ZNF878: variants seen among roughly 807,000 people sequenced by gnomAD.
The protein encoded by ZNF878 is zinc finger protein 878.
Under a neutral mutation model 11.1 loss-of-function variants are expected in ZNF878, and 10 were observed. That is an observed-to-expected ratio of 0.90 (90% CI 0.56 to 1.53). The LOEUF is 1.53. ZNF878 is among the 40% of genes most tolerant of loss of function. The probability of loss-of-function intolerance (pLI) is 0.00; values close to 1 mark genes in which losing one functional copy is unlikely to be tolerated. For synonymous variants in ZNF878, 165 were observed against 209.7 expected, an observed-to-expected ratio of 0.79 and a Z score of 1.84; for missense variants, 548 against 626.1, an observed-to-expected ratio of 0.88 and a Z score of 1.33.
In ZNF878 at chr19:12,044,527, A is replaced by T. The variant is rs753992039; in HGVS notation, c.874T>A (p.Phe292Ile). ...ACTCGCAGGTACTTGACAGATCTGAAGGCTTTCCTACATTGTGTACACTCA... is the reference window on the plus strand; with the variant it reads ...ACTCGCAGGTACTTGACAGATCTGATGGCTTTCCTACATTGTGTACACTCA... ...PYECTQCRKA[F>I]RSVKYLRVHE... Residue 292 changes from phenylalanine to isoleucine, a missense_variant, in exon 4 of 4, where the codon TTC becomes ATC. Transcript: ENST00000547628. 2 of 1,613,666 alleles carry T rather than the reference A, an allele frequency of 1.2e-6. No homozygotes were observed. Among genetic ancestry groups the T allele is most frequent in the Non-Finnish European group, 1.7e-6 (2 of 1,179,908 alleles).
chr19:12,048,283 C>T (rs990514381), intron 1 of ZNF878, among the ~76,000 whole-genome samples: 3 of 151,622 alleles, frequency 2.0e-5, no homozygotes, highest in Non-Finnish European at 4.4e-5. Context: ...CTTTGGGAGG[C>T]CGAGGCGGGT....
intron 3 of ZNF878, chr19:12,046,159 C>A: frequency 2.0e-6 from 1 of 492,704 alleles, no homozygotes; most frequent in Non-Finnish European, 3.5e-6. Flanking sequence ...CCTCAAACTC[C>A]CAGGTTCAAG....
rs1975487483 is a variant in ZNF878 at position 12,046,356 on chromosome 19, A to G, written c.191+12T>C. ...TACAGAGACATTGTTTTCTCTTTTA[A>G]GTGCCAGTTACCTTAGGTTTCTCCT... On this transcript the variant is annotated intron_variant, in intron 3 of 3. Transcript: ENST00000547628. 1.3e-6 allele frequency: 2 copies of G among 1,547,592 alleles called. No homozygotes were observed. Among genetic ancestry groups the G allele is most frequent in the Non-Finnish European group, 1.8e-6 (2 of 1,141,648 alleles).
Position 12,045,060 on chromosome 19 carries a change from A to G in ZNF878, c.341T>C (p.Leu114Pro). 1 of 1,613,980 alleles carries G rather than the reference A, an allele frequency of 6.2e-7. No individual in the cohort carries two copies. Among genetic ancestry groups the G allele is most frequent in the Non-Finnish European group, 8.5e-7 (1 of 1,179,922 alleles). ...TCTGAGGTGCCTATTAAGGGATGAA[A>G]GACCTATGCCGATTTCTCCACACAC... The part of the protein sequence containing the change: ...SSVCGEIGIG[L>P]SSLNRHLRAF... Residue 114 changes from leucine to proline, a missense_variant, in exon 4 of 4, where the codon CTT (leucine) becomes CCT (proline). Leu to Pro is a moderately conservative substitution (Grantham distance 98, BLOSUM62 -3). Coordinates refer to ENST00000547628, the MANE Select transcript of ZNF878 (RefSeq NM_001080404.3).
intron 1 of ZNF878, among the ~76,000 whole-genome samples, chr19:12,048,676 A>C (rs1975519274): frequency 6.6e-6 from 1 of 151,134 alleles, no homozygotes; most frequent in South Asian, 2.1e-4. Context: ...TCTACTAAAA[A>C]TACGAATATC....
At position 12,044,052 on chromosome 19, in the gene ZNF878, G is replaced by T; in HGVS notation, c.1349C>A (p.Pro450His). The T allele has an allele frequency of 1.9e-6, 3 of 1,614,004 alleles. No homozygotes were observed. The highest frequency in any genetic ancestry group is 1.7e-5 in the Admixed American group (1 of 60,008). Residue 450 changes from proline to histidine, a missense_variant, in exon 4 of 4, where the codon CCC (proline) becomes CAC (histidine). Around this residue, in one of 3 missense-constraint regions of ZNF878, gnomAD observed 335 missense variants for 358.2 expected, o/e 0.94. Coordinates refer to ENST00000547628, the MANE Select transcript of ZNF878 (RefSeq NM_001080404.3). ...TTTTCCACATTGCTTACACTCATAG[G>T]GTTTCTCTCCTGTGTGAGTCCTTTC... ...MHERTHTGEK[P>H]YECKQCGKAF...
chr19:12,045,443 C>G (rs527466107), intron 3 of ZNF878, among the ~76,000 whole-genome samples: 4 of 152,098 alleles, frequency 2.6e-5, no homozygotes, highest in South Asian at 2.1e-4. Context: ...GTCAGGAGAT[C>G]GAGACCATCC....
chr19:12,043,649 C>G (rs1975416562), downstream of ZNF878, among the ~76,000 whole-genome samples: 1 of 152,152 alleles, frequency 6.6e-6, no homozygotes, highest in Non-Finnish European at 1.5e-5. Context: ...CCATATTGCC[C>G]AAGCTGGTCT....
rs1975461269 is a variant in ZNF878 at position 12,045,217 on chromosome 19, C to T, written c.192-8G>A. On this transcript the variant is annotated splice_polypyrimidine_tract_variant and splice_region_variant and intron_variant, in intron 3 of 3. Transcript: ENST00000547628. ...CTCTCCCCTATAAGTCTTCTGTGAA[C>T]AATGAAAGCACATTATAATGGGTTT... 1.9e-6 allele frequency: 3 copies of T among 1,577,010 alleles called. No individual in the cohort carries two copies. The highest frequency in any genetic ancestry group is 2.7e-5 in the African/African-American group (2 of 73,420).
chr19:12,043,802 T>C, downstream of ZNF878: 2 of 1,589,758 alleles, frequency 1.3e-6, no homozygotes, highest in Non-Finnish European at 8.5e-7. Context: ...ATCCATAGAG[T>C]TTCTAGCCAG....
intron 1 of ZNF878, among the ~76,000 whole-genome samples, chr19:12,049,557 G>A (rs1432867252): frequency 6.7e-6 from 1 of 150,318 alleles, no homozygotes; most frequent in African/African-American, 2.4e-5. Context: ...GGAGCATGAG[G>A]TCAGGAGTTC....
intron 1 of ZNF878, among the ~76,000 whole-genome samples, chr19:12,050,124 C>T (rs1023403360): frequency 7.9e-5 from 12 of 152,078 alleles, no homozygotes; most frequent in African/African-American, 2.2e-4. Context: ...ACTTGGGAGG[C>T]TGAAGCAGGA....
At chr19:12,048,525 GAAAA>G (rs894167458) in intron 1 of ZNF878, among the ~76,000 whole-genome samples, 2 of 117,908 alleles carry the variant, frequency 1.7e-5, no homozygotes, top group African/African-American at 6.4e-5. Context: ...CTCAAAAAAA[GAAAA>G]AAAAAAAAGA....
At position 12,045,112 on chromosome 19, in the gene ZNF878, G is replaced by C. The variant is rs369143883; in HGVS notation, c.289C>G (p.Pro97Ala). The change falls in exon 4 of 4, where the codon CCT (proline) becomes GCT (alanine). Residue 97 changes from proline to alanine, a missense_variant. Coordinates refer to ENST00000547628, the MANE Select transcript of ZNF878 (RefSeq NM_001080404.3). ...VPDDTLKKKT[P>A]GVQSYESSVC... ...CTGCTTTCATATGATTGTACTCCAG[G>C]AGTTTTCTTCTTCAGTGTGTCATCT... The C allele has an allele frequency of 3.1e-6, 5 of 1,613,144 alleles. No individual in the cohort carries two copies. In the African/African-American group the frequency reaches 6.7e-5, roughly 22 times the overall value.
At chr19:12,046,241 G>A (rs1231053534) in intron 3 of ZNF878, 127 bp downstream of exon 3, 3 of 707,146 alleles carry the variant, frequency 4.2e-6, no homozygotes, top group Non-Finnish European at 6.9e-6. Flanking sequence ...TATGTTTCTA[G>A]GGAAGCTTTT....
Position 12,044,848 on chromosome 19 carries a change from A to G in ZNF878, c.553T>C (p.Ser185Pro). 1 of 1,613,936 alleles carries G rather than the reference A, an allele frequency of 6.2e-7. No individual in the cohort carries two copies. Among genetic ancestry groups the G allele is most frequent in the Non-Finnish European group, 8.5e-7 (1 of 1,179,990 alleles). The change falls in exon 4 of 4, where the codon TCT (serine) becomes CCT (proline). Residue 185 changes from serine to proline, a missense_variant. Ser to Pro is a moderately conservative substitution (Grantham distance 74, BLOSUM62 -1). Transcript: ENST00000547628. ...QCGKAFSFPS[S>P]VRRHERIHSA... ...TGGATTCTTTCATGTCTACGAACAG[A>G]ACTGGGAAAACTGAATGCTTTCCCA...
rs376104191 is a variant in ZNF878 at position 12,043,847 on chromosome 19, A to T, written c.1554T>A (p.Ser518=). Residue 518 remains serine (S), a synonymous_variant, in exon 4 of 4, where the codon TCT becomes TCA. Coordinates refer to ENST00000547628, the MANE Select transcript of ZNF878 (RefSeq NM_001080404.3). ...ECKQCGKAFR[S]ASILQKHVRT... is the part of the protein sequence containing the mutation. ...TTACATGCTTTTGAAGGATTGAGGC[A>T]GATCTAAAGGCTTTACCACATTGCT... The T allele has an allele frequency of 5.5e-5, 89 of 1,611,612 alleles. No individual in the cohort carries two copies. The highest frequency in any genetic ancestry group is 6.4e-5 in the Non-Finnish European group (75 of 1,179,286).
rs777416620 is a variant in ZNF878, at chr19:12,044,989, T to G, written c.412A>C (p.Thr138Pro). ...SSLAIHGRTH[T>P]GEKPYECKEC... ...TTACATTCATAAGGCTTTTCCCCAG[T>G]GTGAGTTCTTCCATGTATTGCAAGG... is the stretch of plus-strand genomic sequence containing the variant. Residue 138 changes from threonine to proline, a missense_variant, in exon 4 of 4, where the codon ACT (threonine) becomes CCT (proline). Thr to Pro is a conservative substitution (Grantham distance 38). Transcript: ENST00000547628. 1 of 1,614,156 alleles carries G rather than the reference T, an allele frequency of 6.2e-7. No individual in the cohort carries two copies. Among genetic ancestry groups the G allele is most frequent in the Non-Finnish European group, 8.5e-7 (1 of 1,180,018 alleles).
At position 12,044,277 on chromosome 19, in the gene ZNF878, GT is replaced by G. The variant is rs775109440; in HGVS notation, c.1123del (p.Thr375ProfsTer152). 1.2e-6 allele frequency: 2 copies of G among 1,613,662 alleles called. No homozygotes were observed. Among genetic ancestry groups the G allele is most frequent in the Non-Finnish European group, 1.7e-6 (2 of 1,179,960 alleles). On this transcript the variant is annotated frameshift_variant, in exon 4 of 4. Transcript: ENST00000547628. LOFTEE classifies it low-confidence loss of function (END_TRUNC). Reference sequence around the variant, plus strand: ...GTGAAAGGAATTGGAAGAAGTGAAGGTTTTCCCACATTGTTTACATTCAAAG... The same window carrying G: ...GTGAAAGGAATTGGAAGAAGTGAAGGTTTCCCACATTGTTTACATTCAAAG... ...KPFECKQCGK[T>X]FTSSNSFHYH... is the part of the protein sequence containing the mutation.
Sources: allele counts gnomAD v4.1 joint callset (sites outside exome capture counted in the v4.1 genomes callset), GRCh38; gene constraint gnomAD v4.1.1; regional missense constraint gnomAD v4.1.1; transcripts MANE v1.5; gene names NCBI Gene and HGNC (gene_info 2026-07-23, HGNC 2026-07-21).